Variants in TM2D2 observed in about 807,000 individuals in gnomAD.
TM2D2 encodes TM2 domain-containing protein 2.
Under a neutral mutation model 23.0 loss-of-function variants are expected in TM2D2, and 19 were observed. The observed-to-expected ratio is 0.82, with a 90% confidence interval of 0.58 to 1.21. The LOEUF (loss-of-function observed/expected upper bound fraction) is 1.21, where lower values mean the gene tolerates loss of function less well. Among genes scored for constraint, TM2D2 ranks in the 50% most tolerant of loss-of-function variants. The pLI, the probability that TM2D2 is intolerant of heterozygous loss-of-function variation, is 0.00. For synonymous variants in TM2D2, 120 were observed against 108.8 expected (o/e 1.10, Z -0.64); for missense variants, 246 against 265.4 (o/e 0.93, Z 0.51).
In TM2D2 at chr8:38,996,357, TGCA is replaced by T. The variant is rs1835793717; in HGVS notation, c.80_82del (p.Leu27del). On this transcript the variant is annotated inframe_deletion, in exon 1 of 4. Transcript: ENST00000456397. ...TTGCGAGTGGCTCCGAGACACACAA[TGCA>T]GCAGAAGTAAATTCCCCAGCAGCAA... The T allele has an allele frequency of 2.5e-6, 4 of 1,613,910 alleles. No homozygotes were observed. Among genetic ancestry groups the T allele is most frequent in the Admixed American group, 1.7e-5 (1 of 59,986 alleles).
In TM2D2 at chr8:38,996,373, T is replaced by A; in HGVS notation, c.67A>T (p.Asn23Tyr). The part of the protein sequence containing the change: ...LCGQAALLLG[N>Y]LLLLHCVSRS... ...GACACACAATGCAGCAGAAGTAAAT[T>A]CCCCAGCAGCAAAGCCGCCTGGCCG... Residue 23 changes from asparagine to tyrosine, a missense_variant, in exon 1 of 4, where the codon AAT (asparagine) becomes TAT (tyrosine). Coordinates refer to ENST00000456397, the MANE Select transcript of TM2D2 (RefSeq NM_078473.3). The A allele has an allele frequency of 1.2e-6, 2 of 1,614,036 alleles. No homozygotes were observed. Among genetic ancestry groups the A allele is most frequent in the South Asian group, 2.2e-5 (2 of 91,072 alleles).
At position 38,996,447 on chromosome 8, in the gene TM2D2, G is replaced by A. The variant is rs771232865; in HGVS notation, c.-8C>T. 6.2e-7 allele frequency: 1 copy of A among 1,613,808 alleles called. No homozygotes were observed. The highest frequency in any genetic ancestry group is 1.7e-5 in the Admixed American group (1 of 60,020). On this transcript the variant is annotated 5_prime_UTR_variant, in exon 1 of 4. Coordinates refer to ENST00000456397, the MANE Select transcript of TM2D2 (RefSeq NM_078473.3). ...GCAACCACCTAGCACCATCTTCCCGGGCACAGGAGCGGAGACCCGGCCTCA... is the reference window on the plus strand; with the variant it reads ...GCAACCACCTAGCACCATCTTCCCGAGCACAGGAGCGGAGACCCGGCCTCA...
chr8:38,996,191 G>T, intron 1 of TM2D2, 22 bp downstream of exon 1: 1 of 1,603,862 alleles, frequency 6.2e-7, no homozygotes, highest in Non-Finnish European at 8.5e-7. Flanking sequence ...ACGTCCACCC[G>T]CCTCGACCAC....
upstream of TM2D2, chr8:38,996,788 C>A: frequency 7.0e-7 from 1 of 1,422,398 alleles, no homozygotes. Flanking sequence ...ACTGGCGGGC[C>A]GACTAGTGCT....
Position 38,989,876 on chromosome 8 carries a change from T to C in TM2D2, c.*1456A>G, listed in dbSNP as rs535640719. On this transcript the variant is annotated 3_prime_UTR_variant, in exon 4 of 4. Coordinates refer to ENST00000456397, the MANE Select transcript of TM2D2 (RefSeq NM_078473.3). ...GTACAATTTTATTTCATGCATAAATTGTGTAGATGAACCCAAGTTCTATGT... is the reference window on the plus strand; with the variant it reads ...GTACAATTTTATTTCATGCATAAATCGTGTAGATGAACCCAAGTTCTATGT... 18 of 152,306 alleles carry C rather than the reference T, an allele frequency of 1.2e-4. No individual in the cohort carries two copies. Among genetic ancestry groups the C allele is most frequent in the African/African-American group, 4.1e-4 (17 of 41,568 alleles). The allele number at this position is 152,306 out of a possible 1,614,324, so 9.4% of individuals were successfully genotyped here. A position where few individuals can be genotyped will look rare whatever the true frequency, so the allele number is the denominator to read the frequency against.
At chr8:38,995,787 G>A (rs777449932) in intron 1 of TM2D2, 16 of 1,239,952 alleles carry the variant, frequency 1.3e-5, no homozygotes, top group Non-Finnish European at 1.5e-5. Flanking sequence ...TTAAAAAATG[G>A]CGTGATTCTG....
At position 38,989,954 on chromosome 8, in the gene TM2D2, C is replaced by T. The variant is rs1443266029; in HGVS notation, c.*1378G>A. 2.0e-5 allele frequency: 3 copies of T among 151,674 alleles called. No homozygotes were observed. In the East Asian group the frequency reaches 5.8e-4, roughly 29 times the overall value. The allele number at this position is 151,674 out of a possible 1,614,324, so 9.4% of individuals were successfully genotyped here. On this transcript the variant is annotated 3_prime_UTR_variant, in exon 4 of 4. Transcript: ENST00000456397. ...GGAGAGGGTCTAGTTTCTTCATGAC[C>T]CATAAAAATTTAATAAATACTATCT... is the stretch of plus-strand genomic sequence containing the variant.
chr8:38,996,035 C>G (rs1043149715), intron 1 of TM2D2, among the ~76,000 whole-genome samples, 178 bp downstream of exon 1: 4 of 152,174 alleles, frequency 2.6e-5, no homozygotes, highest in Non-Finnish European at 5.9e-5. Flanking sequence ...CACTGACACA[C>G]AAGAGTTTTC....
At chr8:38,995,497 T>C in intron 1 of TM2D2, 92 bp from the exon 2 acceptor site, 1 of 1,583,400 alleles carries the variant, frequency 6.3e-7, no homozygotes, top group Non-Finnish European at 8.6e-7. Flanking sequence ...AAAAGACATT[T>C]CTTCATCAAG....
At chr8:38,996,735 C>A (rs1835817518), upstream of TM2D2, 6 of 1,420,800 alleles carry the variant, frequency 4.2e-6, no homozygotes, top group South Asian at 1.5e-5. Flanking sequence ...GTCGACCCCC[C>A]TAGGTGGGCG....
At position 38,995,408 on chromosome 8, in the gene TM2D2, G is replaced by A; in HGVS notation, c.228-3C>T. On this transcript the variant is annotated splice_region_variant and splice_polypyrimidine_tract_variant and intron_variant, in intron 1 of 3. Coordinates refer to ENST00000456397, the MANE Select transcript of TM2D2 (RefSeq NM_078473.3). Reference sequence around the variant, plus strand: ...CACATTCTATAAATTCATCAGGTCTGTAATTCACCAGTAAGATCATGATCA... The same window carrying A: ...CACATTCTATAAATTCATCAGGTCTATAATTCACCAGTAAGATCATGATCA... 1 of 1,612,484 alleles carries A rather than the reference G, an allele frequency of 6.2e-7. No individual in the cohort carries two copies. Among genetic ancestry groups the A allele is most frequent in the Non-Finnish European group, 8.5e-7 (1 of 1,179,466 alleles).
chr8:38,992,027 A>G (rs1216464699), intron 3 of TM2D2, among the ~76,000 whole-genome samples: 4 of 152,132 alleles, frequency 2.6e-5, no homozygotes, highest in African/African-American at 7.2e-5. Flanking sequence ...AACAGAAGAT[A>G]TGTCTCTAGA....
chr8:38,991,272 G>C lies in TM2D2; in HGVS notation c.*60C>G, dbSNP rs1835590284. 1 of 1,367,702 alleles carries C rather than the reference G, an allele frequency of 7.3e-7. No homozygotes were observed. The allele number at this position is 1,367,702 out of a possible 1,614,324, so 84.7% of individuals were successfully genotyped here. A position where few individuals can be genotyped will look rare whatever the true frequency, so the allele number is the denominator to read the frequency against. ...ATCAAAGAGGAGTTTTGAGCCTGTA[G>C]AGATGAATTCAGAAGACGGAGCTTT... On this transcript the variant is annotated 3_prime_UTR_variant, in exon 4 of 4. Coordinates refer to ENST00000456397, the MANE Select transcript of TM2D2 (RefSeq NM_078473.3).
At chr8:38,996,112 T>G (rs1588307645) in intron 1 of TM2D2, 101 bp downstream of exon 1, 3 of 1,354,200 alleles carry the variant, frequency 2.2e-6, no homozygotes, top group South Asian at 1.4e-5. Flanking sequence ...AGAGGCAGGG[T>G]CTGAAAAAAT....
At position 38,996,499 on chromosome 8, in the gene TM2D2, A is replaced by T. The variant is rs979240907; in HGVS notation, c.-60T>A. On this transcript the variant is annotated 5_prime_UTR_variant, in exon 1 of 4. Transcript: ENST00000456397. ...CCACAACCCCAGGCCAGCAGCACAG[A>T]CCCAAGAACTGCGTGGTCAGGCCTT... 6.3e-7 allele frequency: 1 copy of T among 1,597,114 alleles called. No homozygotes were observed. Among genetic ancestry groups the T allele is most frequent in the Non-Finnish European group, 8.6e-7 (1 of 1,168,400 alleles).
chr8:38,990,687 G>A lies in TM2D2; in HGVS notation c.*645C>T, dbSNP rs796641804. ...TATTGCACTGCATATACTGCCTCTGGAACATAATGGAGACAAAAGAGGGCT... is the reference window on the plus strand; with the variant it reads ...TATTGCACTGCATATACTGCCTCTGAAACATAATGGAGACAAAAGAGGGCT... On this transcript the variant is annotated 3_prime_UTR_variant, in exon 4 of 4. Transcript: ENST00000456397. The A allele has an allele frequency of 2.3e-4, 35 of 152,672 alleles. 1 individual carries two copies. The highest frequency in any genetic ancestry group is 8.4e-4 in the African/African-American group (35 of 41,556). The allele number at this position is 152,672 out of a possible 1,614,324, so 9.5% of individuals were successfully genotyped here. A position where few individuals can be genotyped will look rare whatever the true frequency, so the allele number is the denominator to read the frequency against.
intron 1 of TM2D2, 102 bp downstream of exon 1, chr8:38,996,111 G>C: frequency 7.4e-7 from 1 of 1,353,380 alleles, no homozygotes; most frequent in South Asian, 1.4e-5. Flanking sequence ...GAGAGGCAGG[G>C]TCTGAAAAAA....
At chr8:38,996,122 T>C (rs994992273) in intron 1 of TM2D2, 91 bp downstream of exon 1, 1 of 1,426,038 alleles carries the variant, frequency 7.0e-7, no homozygotes, top group East Asian at 2.4e-5. Flanking sequence ...TCTGAAAAAA[T>C]GCAGCGTCCC....
Position 38,993,442 on chromosome 8 carries a change from T to C in TM2D2, c.431+103A>G, listed in dbSNP as rs1394318616. 4 of 780,400 alleles carry C rather than the reference T, an allele frequency of 5.1e-6. No individual in the cohort carries two copies. The East Asian group carries it at 1.3e-4, about 25-fold the overall frequency. The allele number at this position is 780,400 out of a possible 1,614,324, so 48.3% of individuals were successfully genotyped here. ...CTGCACTCCAGCCTGGGTAACAGAG[T>C]GAGACCCTGTCTCTTAAAACAAAAA... On this transcript the variant is annotated intron_variant, in intron 3 of 3. Coordinates refer to ENST00000456397, the MANE Select transcript of TM2D2 (RefSeq NM_078473.3).
Sources: allele counts gnomAD v4.1 joint callset (sites outside exome capture counted in the v4.1 genomes callset), GRCh38; gene constraint gnomAD v4.1.1; transcripts MANE v1.5; gene names NCBI Gene and HGNC (gene_info 2026-07-23, HGNC 2026-07-21).